Variants in NRXN1 observed in about 807,000 individuals in gnomAD.
The protein encoded by NRXN1 is neurexin-1.
In NRXN1, 39 loss-of-function variants were observed where a neutral mutation model predicts 150.9. The ratio of observed to expected loss-of-function variants is 0.26; its 90% confidence interval spans 0.20 to 0.34. NRXN1 has a LOEUF of 0.34. Among genes scored for constraint, NRXN1 ranks in the 10% least tolerant of loss-of-function variants. The probability of loss-of-function intolerance (pLI) is 1.00; values close to 1 mark genes in which losing one functional copy is unlikely to be tolerated. For missense variants in NRXN1, 1,815 were observed against 1,949.9 expected (o/e 0.93, Z 1.30); for synonymous variants, 924 against 757.0 (o/e 1.22, Z -3.62).
intron 8 of NRXN1, among the ~76,000 whole-genome samples, chr2:50,577,607 G>T (rs992978347): frequency 1.3e-4 from 19 of 151,970 alleles, no homozygotes; most frequent in Admixed American, 6.6e-5. Flanking sequence ...CAATAAAGGA[G>T]AATATACTCC....
chr2:50,643,368 G>T (rs1480656132), intron 5 of NRXN1, among the ~76,000 whole-genome samples: 1 of 151,912 alleles, frequency 6.6e-6, no homozygotes, highest in Admixed American at 6.6e-5. Context: ...TTAGCATGGA[G>T]CCTGGCCTCA....
intron 19 of NRXN1, among the ~76,000 whole-genome samples, chr2:50,090,500 T>G (rs968760842): frequency 1.3e-5 from 2 of 152,094 alleles, no homozygotes; most frequent in African/African-American, 4.8e-5. Context: ...GAGACGATAA[T>G]GATTGCAGTA....
At chr2:50,736,286 A>G (rs1258434792) in intron 5 of NRXN1, among the ~76,000 whole-genome samples, 1 of 152,090 alleles carries the variant, frequency 6.6e-6, no homozygotes, top group Non-Finnish European at 1.5e-5. Context: ...TTCATCACAA[A>G]TGTCATTTCT....
intron 21 of NRXN1, among the ~76,000 whole-genome samples, chr2:50,010,814 T>C (rs575811158): frequency 9.8e-5 from 15 of 152,292 alleles, no homozygotes; most frequent in South Asian, 6.2e-4. Flanking sequence ...AAAGCTACCC[T>C]GAAGCATTTC....
chr2:50,821,555 T>C (rs888974305), intron 5 of NRXN1, among the ~76,000 whole-genome samples: 2 of 152,184 alleles, frequency 1.3e-5, no homozygotes, highest in African/African-American at 4.8e-5. Flanking sequence ...AGAAGGATGC[T>C]TGACATAGAA....
intron 5 of NRXN1, among the ~76,000 whole-genome samples, chr2:50,857,511 G>C (rs534268799): frequency 1.3e-5 from 2 of 152,170 alleles, no homozygotes; most frequent in South Asian, 4.2e-4. Context: ...AATTCTCTTT[G>C]GAGAGCTTAA....
chr2:50,209,417 A>G (rs1453060216), intron 18 of NRXN1, among the ~76,000 whole-genome samples: 1 of 152,154 alleles, frequency 6.6e-6, no homozygotes, highest in East Asian at 1.9e-4. Flanking sequence ...TTTCAGGATT[A>G]CAGTCTAACT....
At chr2:50,679,416 G>A (rs1690030640) in intron 5 of NRXN1, among the ~76,000 whole-genome samples, 1 of 152,112 alleles carries the variant, frequency 6.6e-6, no homozygotes, top group African/African-American at 2.4e-5. Context: ...AAGGAAGAGA[G>A]CATAGGCAAA....
intron 22 of NRXN1, chr2:49,926,297 C>A (rs1242825479): frequency 5.0e-6 from 2 of 398,250 alleles, no homozygotes; most frequent in Non-Finnish European, 8.9e-6. Flanking sequence ...CCTTAAAGGA[C>A]CACTGAAAAG....
intron 8 of NRXN1, among the ~76,000 whole-genome samples, chr2:50,583,153 C>A (rs757186994): frequency 6.6e-6 from 1 of 152,012 alleles, no homozygotes; most frequent in East Asian, 1.9e-4. Flanking sequence ...TAGGTTCAAG[C>A]AAGCCTCCCA....
At chr2:50,467,717 T>C (rs2089046173) in intron 16 of NRXN1, among the ~76,000 whole-genome samples, 1 of 151,360 alleles carries the variant, frequency 6.6e-6, no homozygotes, top group Non-Finnish European at 1.5e-5. Context: ...GTAGTTTATA[T>C]AAGTAGTAAT....
intron 18 of NRXN1, among the ~76,000 whole-genome samples, chr2:50,152,070 T>C (rs375098624): frequency 1.3e-5 from 2 of 151,874 alleles, no homozygotes; most frequent in African/African-American, 4.8e-5. Flanking sequence ...ATATACTGTC[T>C]TAACCATTTT....
intron 18 of NRXN1, among the ~76,000 whole-genome samples, chr2:50,139,636 A>T (rs952973060): frequency 6.6e-6 from 1 of 152,082 alleles, no homozygotes; most frequent in Non-Finnish European, 1.5e-5. Flanking sequence ...CACCACCAGT[A>T]ATGATCCAGT....
intron 19 of NRXN1, among the ~76,000 whole-genome samples, chr2:50,076,408 A>G (rs1697112591): frequency 6.6e-6 from 1 of 152,332 alleles, no homozygotes; most frequent in South Asian, 2.1e-4. Context: ...AGCACTTACT[A>G]CTTACCAGGT....
intron 21 of NRXN1, among the ~76,000 whole-genome samples, chr2:49,974,736 TA>T (rs1367845349): frequency 7.1e-4 from 106 of 148,924 alleles, no homozygotes; most frequent in Non-Finnish European, 1.1e-3. Flanking sequence ...TATGCAACAT[TA>T]AGAAATACAT....
chr2:50,456,042 A>T (rs1295699397), intron 17 of NRXN1, among the ~76,000 whole-genome samples: 3 of 152,144 alleles, frequency 2.0e-5, no homozygotes, highest in African/African-American at 7.2e-5. Context: ...TGTGTACTTT[A>T]TATCTTCTGC....
intron 5 of NRXN1, among the ~76,000 whole-genome samples, chr2:50,905,947 T>C (rs1481126147): frequency 6.6e-6 from 1 of 152,110 alleles, no homozygotes; most frequent in Non-Finnish European, 1.5e-5. Flanking sequence ...GTCTATTAAA[T>C]GTTTAAGCAA....
intron 18 of NRXN1, among the ~76,000 whole-genome samples, chr2:50,124,477 A>C (rs916551514): frequency 5.9e-5 from 9 of 152,140 alleles, no homozygotes; most frequent in African/African-American, 2.2e-4. Flanking sequence ...CATTGTTAAT[A>C]CGTAGAACCA....
intron 18 of NRXN1, among the ~76,000 whole-genome samples, chr2:50,231,151 T>C (rs550605393): frequency 6.6e-6 from 1 of 152,208 alleles, no homozygotes; most frequent in East Asian, 1.9e-4. Flanking sequence ...GAATACTATA[T>C]GGCAAAGTTA....
Sources: allele counts gnomAD v4.1 joint callset (sites outside exome capture counted in the v4.1 genomes callset), GRCh38; gene constraint gnomAD v4.1.1; transcripts MANE v1.5; gene names NCBI Gene and HGNC (gene_info 2026-07-23, HGNC 2026-07-21).